The following TMEM14C variants were observed in gnomAD, a reference collection of about 807,000 sequenced individuals.
TMEM14C encodes the protein chromosome 6 open reading frame 53.
In TMEM14C, 13 loss-of-function variants were observed where a neutral mutation model predicts 14.8. That is an observed-to-expected ratio of 0.88 (90% CI 0.57 to 1.40). The LOEUF (loss-of-function observed/expected upper bound fraction) is 1.40, where lower values mean the gene tolerates loss of function less well. Among genes scored for constraint, TMEM14C ranks in the 40% most tolerant of loss-of-function variants. TMEM14C has a pLI of 0.00. For missense variants in TMEM14C, 142 were observed against 138.8 expected, an observed-to-expected ratio of 1.02 and a Z score of -0.12; for synonymous variants, 57 against 51.3, an observed-to-expected ratio of 1.11 and a Z score of -0.48.
chr6:10,728,741 A>G lies in TMEM14C; in HGVS notation c.287+14A>G, dbSNP rs759627460. On this transcript the variant is annotated intron_variant, in intron 5 of 5. Coordinates refer to ENST00000229563, the MANE Select transcript of TMEM14C (RefSeq NM_016462.4). Reference sequence around the variant, plus strand: ...TGCAGGTGCCAGGTACTTTCATTCTATTACTCTTCTTTACCATGTAGAGTT... The same window carrying G: ...TGCAGGTGCCAGGTACTTTCATTCTGTTACTCTTCTTTACCATGTAGAGTT... 3.1e-5 allele frequency: 50 copies of G among 1,614,004 alleles called. No individual in the cohort carries two copies. Among genetic ancestry groups the G allele is most frequent in the Middle Eastern group, 1.6e-4 (1 of 6,084 alleles).
At chr6:10,730,473 A>G (rs1201239997) in intron 5 of TMEM14C, 142 bp from the exon 6 acceptor site, 4 of 665,800 alleles carry the variant, frequency 6.0e-6, no homozygotes, top group Non-Finnish European at 9.5e-6. Flanking sequence ...TCCTCCAGGG[A>G]TGGAAATTTA....
rs753991424 is a variant in TMEM14C, at chr6:10,726,011, A to G, written c.199+3A>G. 18 of 1,613,786 alleles carry G rather than the reference A, an allele frequency of 1.1e-5. No homozygotes were observed. Among genetic ancestry groups the G allele is most frequent in the African/African-American group, 6.7e-5 (5 of 74,886 alleles). Reference sequence around the variant, plus strand: ...AAGGAACGTTTGGGTTTTCCTAGGTATGTCTGCTTTGGCGTCTCCTTAGGG... The same window carrying G: ...AAGGAACGTTTGGGTTTTCCTAGGTGTGTCTGCTTTGGCGTCTCCTTAGGG... On this transcript the variant is annotated splice_donor_region_variant and intron_variant, in intron 4 of 5. Coordinates refer to ENST00000229563, the MANE Select transcript of TMEM14C (RefSeq NM_016462.4).
intron 5 of TMEM14C, 168 bp downstream of exon 5, chr6:10,728,895 T>C (rs1242564050): frequency 6.8e-7 from 1 of 1,468,312 alleles, no homozygotes; most frequent in Non-Finnish European, 9.2e-7. Context: ...GCTAGTTTAA[T>C]GTCAAAATGG....
rs1004893402 is a variant in TMEM14C, at chr6:10,723,257, G to A, written c.-45+16G>A. On this transcript the variant is annotated intron_variant, in intron 1 of 5. Transcript: ENST00000229563. ...CGTGAGACCGGTGCGAGTATTTGGG[G>A]ATTATTCTTATTTTCTGCCACTTTT... 6.6e-5 allele frequency: 10 copies of A among 152,290 alleles called. No individual in the cohort carries two copies. The highest frequency in any genetic ancestry group is 2.4e-4 in the African/African-American group (10 of 41,470). The allele number at this position is 152,290 out of a possible 1,614,324, so 9.4% of individuals were successfully genotyped here. A position where few individuals can be genotyped will look rare whatever the true frequency, so the allele number is the denominator to read the frequency against.
chr6:10,724,964 G>T lies in TMEM14C; in HGVS notation c.24G>T (p.Val8=). Residue 8 remains valine, a synonymous_variant, in exon 3 of 6, where the codon GTG becomes GTT. Transcript: ENST00000229563. ...CTTCTCCCTCTTGTGTTTTCAGAGT[G>T]CCTTTGCATTGGTTTGGCTTTGGCT... The part of the protein sequence containing the change: MQDTGSV[V]PLHWFGFGYA... The T allele has an allele frequency of 6.2e-7, 1 of 1,614,220 alleles. No individual in the cohort carries two copies. The highest frequency in any genetic ancestry group is 8.5e-7 in the Non-Finnish European group (1 of 1,180,046).
intron 1 of TMEM14C, 70 bp downstream of exon 1, chr6:10,723,311 C>T (rs749008515): frequency 3.9e-5 from 6 of 152,244 alleles, no homozygotes; most frequent in Admixed American, 6.5e-5. Flanking sequence ...AGGAGTTTCA[C>T]GGCCGTCTGC....
chr6:10,729,276 C>T (rs1263036949), intron 5 of TMEM14C, among the ~76,000 whole-genome samples: 1 of 152,132 alleles, frequency 6.6e-6, no homozygotes, highest in African/African-American at 2.4e-5. Flanking sequence ...GCTGGGATTA[C>T]AGGCGTGCAC....
intron 4 of TMEM14C, among the ~76,000 whole-genome samples, chr6:10,726,730 G>T (rs1770874006): frequency 6.6e-6 from 1 of 152,200 alleles, no homozygotes. Flanking sequence ...GGACTGGAAA[G>T]GTACCCTGTA....
intron 1 of TMEM14C, among the ~76,000 whole-genome samples, chr6:10,724,133 G>T (rs1471418746): frequency 6.6e-6 from 1 of 152,216 alleles, no homozygotes; most frequent in Non-Finnish European, 1.5e-5. Context: ...GAAATTGGCT[G>T]TTGCAGCAGG....
At chr6:10,724,375 G>A (rs1770792334) in intron 1 of TMEM14C, 195 bp from the exon 2 acceptor site, 1 of 545,028 alleles carries the variant, frequency 1.8e-6, no homozygotes, top group Non-Finnish European at 3.3e-6. Context: ...GGGTTTACTA[G>A]GTGCTAAGCA....
chr6:10,726,638 C>A (rs924491535), intron 4 of TMEM14C, among the ~76,000 whole-genome samples: 1 of 152,150 alleles, frequency 6.6e-6, no homozygotes, highest in African/African-American at 2.4e-5. Flanking sequence ...TGCAGTTGAG[C>A]TGAGATCACA....
At position 10,728,747 on chromosome 6, in the gene TMEM14C, C is replaced by T; in HGVS notation, c.287+20C>T. ...TGCCAGGTACTTTCATTCTATTACTCTTCTTTACCATGTAGAGTTCAGTTT... is the reference window on the plus strand; with the variant it reads ...TGCCAGGTACTTTCATTCTATTACTTTTCTTTACCATGTAGAGTTCAGTTT... On this transcript the variant is annotated intron_variant, in intron 5 of 5. Transcript: ENST00000229563. The T allele has an allele frequency of 5.0e-6, 8 of 1,614,126 alleles. No individual in the cohort carries two copies. Among genetic ancestry groups the T allele is most frequent in the Non-Finnish European group, 6.8e-6 (8 of 1,180,026 alleles).
chr6:10,724,949 T>C lies in TMEM14C; in HGVS notation c.21-12T>C. 8 of 1,614,254 alleles carry C rather than the reference T, an allele frequency of 5.0e-6. No individual in the cohort carries two copies. The highest frequency in any genetic ancestry group is 6.8e-6 in the Non-Finnish European group (8 of 1,180,028). ...CCAGGTTAGCACTGACTTCTCCCTC[T>C]TGTGTTTTCAGAGTGCCTTTGCATT... On this transcript the variant is annotated splice_polypyrimidine_tract_variant and intron_variant, in intron 2 of 5. Coordinates refer to ENST00000229563, the MANE Select transcript of TMEM14C (RefSeq NM_016462.4).
chr6:10,723,278 C>G (rs1230925151), intron 1 of TMEM14C, 37 bp downstream of exon 1: 1 of 152,272 alleles, frequency 6.6e-6, no homozygotes, highest in East Asian at 1.9e-4. Context: ...TTTTCTGCCA[C>G]TTTTAACTTT....
At position 10,730,654 on chromosome 6, in the gene TMEM14C, C is replaced by T; in HGVS notation, c.327C>T (p.Asn109=). 6.2e-7 allele frequency: 1 copy of T among 1,611,276 alleles called. No individual in the cohort carries two copies. The highest frequency in any genetic ancestry group is 8.5e-7 in the Non-Finnish European group (1 of 1,178,214). The part of the protein sequence containing the change: ...MVAKVGVSMF[N]RPH ...CCAAAGTTGGAGTTAGTATGTTCAA[C>T]AGACCCCATTAGCAGAAGTCATGTT... is the stretch of plus-strand genomic sequence containing the variant. The change falls in exon 6 of 6, where the codon AAC becomes AAT. Residue 109 remains asparagine (N), a synonymous_variant. Coordinates refer to ENST00000229563, the MANE Select transcript of TMEM14C (RefSeq NM_016462.4).
chr6:10,725,826 T>C (rs1412647613), intron 3 of TMEM14C, 81 bp from the exon 4 acceptor site: 1 of 1,557,402 alleles, frequency 6.4e-7, no homozygotes, highest in Admixed American at 1.7e-5. Flanking sequence ...TGTCCTCCTT[T>C]GTAGGGCAGC....
intron 1 of TMEM14C, 63 bp from the exon 2 acceptor site, chr6:10,724,507 C>T: frequency 8.5e-7 from 1 of 1,179,504 alleles, no homozygotes; most frequent in Non-Finnish European, 1.2e-6. Context: ...GTTGGACACA[C>T]TTCTTTCTGA....
chr6:10,726,334 A>G (rs1397730279), intron 4 of TMEM14C, among the ~76,000 whole-genome samples: 1 of 152,186 alleles, frequency 6.6e-6, no homozygotes, highest in Non-Finnish European at 1.5e-5. Flanking sequence ...TCACTAAACT[A>G]TCACACGTCT....
At position 10,730,993 on chromosome 6, in the gene TMEM14C, G is replaced by T; in HGVS notation, c.*327G>T. 9.8e-7 allele frequency: 1 copy of T among 1,019,226 alleles called. No homozygotes were observed. Among genetic ancestry groups the T allele is most frequent in the Non-Finnish European group, 1.2e-6 (1 of 852,222 alleles). 63.1% of individuals were successfully genotyped at this position (1,019,226 alleles called of 1,614,324 possible). ...TCAGGGCTCTGAAACCCCATTCCCT[G>T]CTCTGAGGAACAGTGTGAAAAAAAG... On this transcript the variant is annotated 3_prime_UTR_variant, in exon 6 of 6. Transcript: ENST00000229563.
Sources: allele counts gnomAD v4.1 joint callset (sites outside exome capture counted in the v4.1 genomes callset), GRCh38; gene constraint gnomAD v4.1.1; transcripts MANE v1.5; gene names NCBI Gene and HGNC (gene_info 2026-07-23, HGNC 2026-07-21).